GLI3: variants seen among roughly 807,000 people sequenced by gnomAD.
GLI3 encodes the protein GLI family zinc finger 3, also known as transcription activator GLI3.
Under a neutral mutation model 100.8 loss-of-function variants are expected in GLI3, and 20 were observed. The ratio of observed to expected loss-of-function variants is 0.20; its 90% CI spans 0.14 to 0.29. GLI3 has a LOEUF of 0.29. GLI3 is among the 10% of genes least tolerant of loss of function. The pLI is 1.00. For synonymous variants in GLI3, 938 were observed against 860.5 expected (o/e 1.09, Z -1.58); for missense variants, 2,040 against 2,128.5 (o/e 0.96, Z 0.82).
At position 42,201,801 on chromosome 7, in the gene GLI3, T is replaced by A. The variant is rs539504170; in HGVS notation, c.124+21329A>T. 3.3e-5 allele frequency among the ~76,000 whole-genome samples: 5 copies of A among 152,226 alleles called. No individual in the cohort carries two copies. The South Asian group carries it at 1.0e-3, about 32-fold the overall frequency. ...GAAAAGTACAGTAAAAGTACCGTAT[T>A]GGCCGGGCGCCATGGCTCACACCTG... On this transcript the variant is annotated intron_variant, in intron 2 of 14. Coordinates refer to ENST00000395925, the MANE Select transcript of GLI3 (RefSeq NM_000168.6).
intron 10 of GLI3, among the ~76,000 whole-genome samples, chr7:41,993,425 T>TA (rs1483043338): frequency 1.3e-5 from 2 of 152,144 alleles, no homozygotes; most frequent in East Asian, 3.9e-4. Context: ...TGACCCCACT[T>TA]ACTGTCCAAC....
At chr7:42,042,013 CTTT>C (rs11324186) in intron 6 of GLI3, among the ~76,000 whole-genome samples, 7 of 116,308 alleles carry the variant, frequency 6.0e-5, no homozygotes, top group South Asian at 5.3e-4. Flanking sequence ...CAACGATTTC[CTTT>C]TTTTTTTTTT....
intron 9 of GLI3, 51 bp downstream of exon 9, chr7:42,025,213 C>T (rs747097227): frequency 8.1e-7 from 1 of 1,234,668 alleles, no homozygotes; most frequent in Non-Finnish European, 1.2e-6. Context: ...GACCCAAAGA[C>T]ACCAGTCTTG....
chr7:42,262,248 T>TTCCTTCCTTCCTTC (rs1554345663), intron 1 of GLI3, among the ~76,000 whole-genome samples: 2 of 29,688 alleles, frequency 6.7e-5, no homozygotes, highest in East Asian at 1.2e-3. Flanking sequence ...TTCCTTCCTT[T>TTCCTTCCTTCCTTC]CTTCCTCCCT....
chr7:42,261,961 CCT>C (rs1221358495), intron 1 of GLI3, among the ~76,000 whole-genome samples: 2 of 104,774 alleles, frequency 1.9e-5, no homozygotes, highest in African/African-American at 6.9e-5. Context: ...CCTTTTTCTT[CCT>C]CTCTCTCTCG....
chr7:41,986,540 C>A (rs1395223350), intron 10 of GLI3, among the ~76,000 whole-genome samples: 2 of 151,898 alleles, frequency 1.3e-5, no homozygotes. Flanking sequence ...CACATTACAA[C>A]ATGGTTGAAC....
At chr7:42,202,604 G>A (rs1399888811) in intron 2 of GLI3, among the ~76,000 whole-genome samples, 1 of 152,150 alleles carries the variant, frequency 6.6e-6, no homozygotes, top group Non-Finnish European at 1.5e-5. Context: ...GTTCGTAAAT[G>A]CCATCTTGCA....
intron 3 of GLI3, 81 bp from the exon 4 acceptor site, chr7:42,076,938 CTATTG>C: frequency 1.2e-6 from 1 of 818,012 alleles, no homozygotes; most frequent in East Asian, 2.5e-5. Flanking sequence ...CATTGCTATA[CTATTG>C]TATCTTCACT....
chr7:42,145,621 A>AC, intron 3 of GLI3: 1 of 354,908 alleles, frequency 2.8e-6, no homozygotes. Flanking sequence ...CAAGAAAGAA[A>AC]GAAAAAAAAA....
intron 1 of GLI3, among the ~76,000 whole-genome samples, chr7:42,245,201 A>G (rs2128709564): frequency 6.6e-6 from 1 of 152,180 alleles, no homozygotes; most frequent in South Asian, 2.1e-4. Flanking sequence ...CTTGCTGTCA[A>G]GTCAGTGTGG....
chr7:42,012,999 T>C (rs1339739275), intron 10 of GLI3, among the ~76,000 whole-genome samples: 4 of 152,312 alleles, frequency 2.6e-5, no homozygotes, highest in South Asian at 4.1e-4. Context: ...AGAAACACCA[T>C]GTCCCTTTAG....
chr7:41,987,789 ATCTC>A (rs1233701083), intron 10 of GLI3, among the ~76,000 whole-genome samples: 2 of 152,188 alleles, frequency 1.3e-5, no homozygotes, highest in Non-Finnish European at 2.9e-5. Flanking sequence ...TTAATTCAGA[ATCTC>A]TATCTTTTCA....
rs1395759780 is a variant in GLI3, at chr7:41,966,446, G to C, written c.2627C>G (p.Ser876Cys). The C allele has an allele frequency of 2.5e-6, 4 of 1,612,030 alleles. No homozygotes were observed. Among genetic ancestry groups the C allele is most frequent in the Non-Finnish European group, 2.5e-6 (3 of 1,179,590 alleles). Residue 876 changes from serine to cysteine, a missense_variant, in exon 15 of 15, where the codon TCC becomes TGC. Physicochemically the swap from Ser to Cys is moderately radical, Grantham distance 112. Transcript: ENST00000395925. The surrounding 1 kb of genome is among the most constrained non-coding windows in gnomAD (Gnocchi z 5.8). ...GISPCFSSRR[S>C]SEASQAEGRP... ...GCCCTCGGCCTGTGACGCCTCGCTGGAGCGGCGGCTGGAGAAGCAGGGCGA... is the reference window on the plus strand; with the variant it reads ...GCCCTCGGCCTGTGACGCCTCGCTGCAGCGGCGGCTGGAGAAGCAGGGCGA...
intron 3 of GLI3, among the ~76,000 whole-genome samples, chr7:42,082,087 C>T (rs562862402): frequency 6.6e-5 from 10 of 151,952 alleles, no homozygotes; most frequent in African/African-American, 9.7e-5. Context: ...AAACAGCATC[C>T]GCTATGCTAC....
intron 2 of GLI3, among the ~76,000 whole-genome samples, chr7:42,198,905 T>C (rs1357876193): frequency 4.1e-5 from 6 of 148,142 alleles, no homozygotes; most frequent in Admixed American, 1.4e-4. Context: ...TAACTTAAAA[T>C]ACTCAAACTC....
At chr7:42,154,017 G>A (rs893815980) in intron 2 of GLI3, among the ~76,000 whole-genome samples, 1 of 151,694 alleles carries the variant, frequency 6.6e-6, no homozygotes, top group Non-Finnish European at 1.5e-5. Flanking sequence ...CAGGACAAGA[G>A]CTCTGTTCCT....
At chr7:42,182,663 T>TATATATATATATATACATGTGTGTAC (rs1787628042) in intron 2 of GLI3, among the ~76,000 whole-genome samples, 3 of 60,714 alleles carry the variant, frequency 4.9e-5, no homozygotes, top group African/African-American at 2.1e-4. Flanking sequence ...TATATATATA[T>TATATATATATATATACATGTGTGTAC]ATATATATAT....
chr7:42,028,791 TAATAATA>T (rs1789197747), intron 7 of GLI3, among the ~76,000 whole-genome samples: 1 of 149,686 alleles, frequency 6.7e-6, no homozygotes, highest in Non-Finnish European at 1.5e-5. Context: ...ATAATAATAA[TAATAATA>T]AATAAAAATA....
chr7:42,169,894 T>A (rs145147458), intron 2 of GLI3, among the ~76,000 whole-genome samples: 1 of 151,964 alleles, frequency 6.6e-6, no homozygotes, highest in Admixed American at 6.6e-5. Context: ...TACAATCAAT[T>A]GAAATATAAG....
Sources: gnomAD v4.1 joint callset for allele counts (sites outside exome capture counted in the v4.1 genomes callset) on GRCh38, gnomAD v4.1.1 for gene constraint, Gnocchi (gnomAD v3.1) non-coding constraint, MANE v1.5 for transcripts, NCBI Gene and HGNC (gene_info 2026-07-23, HGNC 2026-07-21) for gene names.